The following SPECC1 variants were observed in gnomAD, a reference collection of about 807,000 sequenced individuals.
SPECC1 encodes cytospin-B.
Under a neutral mutation model 104.1 loss-of-function variants are expected in SPECC1, and 62 were observed. That is an observed-to-expected ratio of 0.60 (90% CI 0.49 to 0.74). The LOEUF is 0.74. Among genes scored for constraint, SPECC1 ranks in the 30% least tolerant of loss-of-function variants. The probability of loss-of-function intolerance (pLI) is 0.00; values close to 1 mark genes in which losing one functional copy is unlikely to be tolerated. For missense variants in SPECC1, 1,306 were observed against 1,310.5 expected (o/e 1.00, Z 0.05); for synonymous variants, 513 against 501.6 (o/e 1.02, Z -0.30).
chr17:20,044,039 G>A (rs1423477272), intron 1 of SPECC1, among the ~76,000 whole-genome samples: 1 of 151,960 alleles, frequency 6.6e-6, no homozygotes, highest in African/African-American at 2.4e-5. Context: ...TAACTATTTG[G>A]ACTTAAATTG....
chr17:20,292,418 C>T (rs1191635227), intron 12 of SPECC1, among the ~76,000 whole-genome samples: 2 of 151,978 alleles, frequency 1.3e-5, no homozygotes, highest in Non-Finnish European at 2.9e-5. Flanking sequence ...GCAACCTCCA[C>T]CTCCCAGGTT....
chr17:20,033,512 G>A (rs2044914132), intron 1 of SPECC1, among the ~76,000 whole-genome samples: 1 of 152,150 alleles, frequency 6.6e-6, no homozygotes, highest in Non-Finnish European at 1.5e-5. Flanking sequence ...TGTACAAGAA[G>A]CATGGCATCA....
chr17:20,203,627 G>A (rs1396818405), intron 3 of SPECC1, among the ~76,000 whole-genome samples: 1 of 152,102 alleles, frequency 6.6e-6, no homozygotes, highest in Admixed American at 6.5e-5. Flanking sequence ...TGTATCTTCT[G>A]ATTTCTTAAT....
chr17:20,049,543 G>A (rs958092759), intron 1 of SPECC1, among the ~76,000 whole-genome samples: 3 of 152,066 alleles, frequency 2.0e-5, no homozygotes, highest in African/African-American at 7.2e-5. Flanking sequence ...TTTTTGTTGG[G>A]TTTATATAGG....
At chr17:20,261,024 G>T (rs2151597084) in intron 12 of SPECC1, among the ~76,000 whole-genome samples, 1 of 152,270 alleles carries the variant, frequency 6.6e-6, no homozygotes, top group Non-Finnish European at 1.5e-5. Flanking sequence ...TTAAGTAAAA[G>T]AATTAAACAT....
intron 1 of SPECC1, among the ~76,000 whole-genome samples, chr17:20,043,968 A>G (rs1012094182): frequency 1.3e-5 from 2 of 152,168 alleles, no homozygotes; most frequent in Admixed American, 1.3e-4. Context: ...CCAGGAGAGT[A>G]TCTTTTCAAT....
In SPECC1 at chr17:20,068,880, T is replaced by G. The variant is rs576841332; in HGVS notation, c.-21-27751T>G. On this transcript the variant is annotated intron_variant, in intron 1 of 14. Transcript: ENST00000395527. ...TTTATTATTGAGTTTTCAGAGATCT[T>G]TACACATTCTAGATACTAGACACTT... Among the ~76,000 whole-genome samples, 13 of 152,352 alleles carry G rather than the reference T, an allele frequency of 8.5e-5. No individual in the cohort carries two copies. The South Asian group carries it at 2.7e-3, about 32-fold the overall frequency.
At chr17:20,227,309 A>T in intron 4 of SPECC1, 104 bp from the exon 5 acceptor site, 2 of 908,910 alleles carry the variant, frequency 2.2e-6, no homozygotes, top group Non-Finnish European at 3.4e-6. Flanking sequence ...CAGGTTTGTT[A>T]CATGGGTATA....
chr17:20,275,180 G>T (rs2040535418), intron 12 of SPECC1, among the ~76,000 whole-genome samples: 1 of 152,072 alleles, frequency 6.6e-6, no homozygotes, highest in Non-Finnish European at 1.5e-5. Context: ...GGGAACATTT[G>T]TACATATCTG....
At position 20,245,775 on chromosome 17, in the gene SPECC1, G is replaced by A. The variant is rs896242683; in HGVS notation, c.2352-151G>A. On this transcript the variant is annotated intron_variant, in intron 7 of 14. Coordinates refer to ENST00000395527, the MANE Select transcript of SPECC1 (RefSeq NM_001243439.2). The stretch of plus-strand genomic sequence containing the variant: ...AATGCCTACATTATTTCCTAAAGAT[G>A]CAAACTGGTAGAGAAAACAGGATGT... 35 of 884,302 alleles carry A rather than the reference G, an allele frequency of 4.0e-5. No individual in the cohort carries two copies. In the East Asian group the frequency reaches 8.6e-4, roughly 22 times the overall value. 54.8% of individuals were successfully genotyped at this position (884,302 alleles called of 1,614,324 possible). A position where few individuals can be genotyped will look rare whatever the true frequency, so the allele number is the denominator to read the frequency against.
intron 3 of SPECC1, among the ~76,000 whole-genome samples, chr17:20,163,432 A>G (rs998815796): frequency 2.6e-5 from 4 of 152,190 alleles, no homozygotes; most frequent in Non-Finnish European, 4.4e-5. Flanking sequence ...AATTTAGTAT[A>G]TTTAGGTTCT....
At chr17:20,174,154 C>T (rs2034296686) in intron 3 of SPECC1, among the ~76,000 whole-genome samples, 2 of 152,102 alleles carry the variant, frequency 1.3e-5, no homozygotes, top group African/African-American at 4.8e-5. Context: ...TGGTTTTGAA[C>T]TCCTGACCTC....
At chr17:20,175,247 A>G (rs1027150055) in intron 3 of SPECC1, among the ~76,000 whole-genome samples, 27 of 152,166 alleles carry the variant, frequency 1.8e-4, no homozygotes. Flanking sequence ...ACCTCCACTC[A>G]TAAGTCATTT....
intron 3 of SPECC1, among the ~76,000 whole-genome samples, chr17:20,194,436 A>G (rs145240645): frequency 5.9e-4 from 90 of 151,462 alleles, no homozygotes; most frequent in African/African-American, 2.0e-3. Context: ...AAAACACACC[A>G]TTCCAGTCAA....
intron 13 of SPECC1, among the ~76,000 whole-genome samples, chr17:20,300,017 A>G (rs186927344): frequency 6.6e-6 from 1 of 152,368 alleles, no homozygotes; most frequent in East Asian, 1.9e-4. Flanking sequence ...GAAATGTGGC[A>G]GATGTGACTG....
intron 1 of SPECC1, among the ~76,000 whole-genome samples, chr17:20,044,401 C>A (rs1488715437): frequency 6.6e-6 from 1 of 152,150 alleles, no homozygotes; most frequent in East Asian, 1.9e-4. Flanking sequence ...TGGTTTTCAG[C>A]CTCTACTTGG....
chr17:20,238,438 A>G, intron 7 of SPECC1: 3 of 1,042,572 alleles, frequency 2.9e-6, no homozygotes, highest in African/African-American at 1.7e-5. Flanking sequence ...ACTGGTTCAC[A>G]GTGTACACAG....
At chr17:20,100,117 A>G (rs34370440) in intron 2 of SPECC1, among the ~76,000 whole-genome samples, 55,276 of 151,982 alleles carry the variant, frequency 0.36, 10,614 homozygotes, top group Middle Eastern at 0.51. Context: ...AATGTTTTGA[A>G]TAACTTTTTC....
chr17:20,318,364 C>A lies in SPECC1; in HGVS notation c.*4299C>A. ...CCCTTCTCATTTCAAAAATATTAGT[C>A]TTTTATTTTCCTTTTTCATTCAGTT... On this transcript the variant is annotated 3_prime_UTR_variant, in exon 15 of 15. Coordinates refer to ENST00000395527, the MANE Select transcript of SPECC1 (RefSeq NM_001243439.2). 1 of 231,702 alleles carries A rather than the reference C, an allele frequency of 4.3e-6. No individual in the cohort carries two copies. 14.4% of individuals were successfully genotyped at this position (231,702 alleles called of 1,614,324 possible).
Sources: allele counts gnomAD v4.1 joint callset (sites outside exome capture counted in the v4.1 genomes callset), GRCh38; gene constraint gnomAD v4.1.1; transcripts MANE v1.5; gene names NCBI Gene and HGNC (gene_info 2026-07-23, HGNC 2026-07-21).